CATSPERB: variants seen among roughly 807,000 people sequenced by gnomAD.
CATSPERB encodes catsper channel auxiliary subunit beta, also known as cation channel sperm-associated auxiliary subunit beta.
A neutral mutation model predicts 128.3 loss-of-function variants in CATSPERB; 93 were observed. The observed-to-expected ratio is 0.72, with a 90% CI of 0.61 to 0.86. CATSPERB has a LOEUF of 0.86. CATSPERB is among the 40% of genes least tolerant of loss of function. CATSPERB has a pLI of 0.00. For synonymous variants in CATSPERB, 381 were observed against 448.8 expected, an observed-to-expected ratio of 0.85 and a Z score of 1.91; for missense variants, 1,153 against 1,329.5, an observed-to-expected ratio of 0.87 and a Z score of 2.06.
At chr14:91,631,256 A>G (rs1894272336) in intron 17 of CATSPERB, among the ~76,000 whole-genome samples, 1 of 152,254 alleles carries the variant, frequency 6.6e-6, no homozygotes, top group Admixed American at 6.5e-5. Context: ...ATAGGCACTC[A>G]AATATTCATT....
At chr14:91,724,981 T>C (rs907355089) in intron 3 of CATSPERB, 99 bp downstream of exon 3, 5 of 475,632 alleles carry the variant, frequency 1.1e-5, no homozygotes, top group African/African-American at 4.0e-5. Flanking sequence ...AGACTGAACA[T>C]AGTAGAGGGT....
chr14:91,682,400 C>A (rs1895297703), intron 11 of CATSPERB, among the ~76,000 whole-genome samples: 1 of 152,214 alleles, frequency 6.6e-6, no homozygotes, highest in African/African-American at 2.4e-5. Context: ...CTGAACACCA[C>A]AACCGCAGCA....
At chr14:91,589,729 C>A (rs1446660211) in intron 23 of CATSPERB, 60 bp from the exon 24 acceptor site, 1 of 1,544,152 alleles carries the variant, frequency 6.5e-7, no homozygotes, top group Non-Finnish European at 8.8e-7. Flanking sequence ...CACTTCATTT[C>A]CTGGTAAAAA....
chr14:91,678,078 C>A (rs944517148), intron 11 of CATSPERB, among the ~76,000 whole-genome samples: 14 of 152,114 alleles, frequency 9.2e-5, no homozygotes, highest in South Asian at 4.2e-4. Flanking sequence ...GGCCAGTTGG[C>A]AGGTGGGGGG....
intron 23 of CATSPERB, among the ~76,000 whole-genome samples, chr14:91,590,268 G>A (rs1448565910): frequency 6.6e-6 from 1 of 152,110 alleles, no homozygotes; most frequent in Non-Finnish European, 1.5e-5. Context: ...AATGGCTCAC[G>A]CTTATAAATC....
chr14:91,585,335 T>C (rs1444714977), intron 26 of CATSPERB, among the ~76,000 whole-genome samples: 1 of 152,182 alleles, frequency 6.6e-6, no homozygotes, highest in Non-Finnish European at 1.5e-5. Flanking sequence ...TGGACACTGA[T>C]AACATAAATG....
chr14:91,645,251 G>A (rs1894573538), intron 15 of CATSPERB, among the ~76,000 whole-genome samples: 2 of 35,826 alleles, frequency 5.6e-5, no homozygotes, highest in African/African-American at 1.6e-4. Flanking sequence ...TTGCTGGTGA[G>A]GAACTGCGTT....
At chr14:91,624,040 TTATTA>T (rs1322269903) in intron 18 of CATSPERB, among the ~76,000 whole-genome samples, 3 of 152,158 alleles carry the variant, frequency 2.0e-5, no homozygotes, top group Non-Finnish European at 4.4e-5. Context: ...TAGCTATATT[TTATTA>T]TATTAGAAAA....
intron 4 of CATSPERB, among the ~76,000 whole-genome samples, chr14:91,722,008 C>T (rs1165194564): frequency 6.6e-6 from 1 of 151,900 alleles, no homozygotes; most frequent in African/African-American, 2.4e-5. Flanking sequence ...TCAAATCCTG[C>T]CTGGGCAACA....
At chr14:91,596,320 C>T (rs1463137304) in intron 22 of CATSPERB, among the ~76,000 whole-genome samples, 1 of 152,142 alleles carries the variant, frequency 6.6e-6, no homozygotes, top group African/African-American at 2.4e-5. Flanking sequence ...TCTCCTTCCT[C>T]AGCCTCCTGA....
At chr14:91,636,910 G>A (rs1174037282) in intron 16 of CATSPERB, among the ~76,000 whole-genome samples, 2 of 152,136 alleles carry the variant, frequency 1.3e-5, no homozygotes, top group Non-Finnish European at 2.9e-5. Flanking sequence ...TTTAGAACTG[G>A]GTTCTTATTT....
intron 15 of CATSPERB, among the ~76,000 whole-genome samples, chr14:91,654,611 T>C (rs1173993076): frequency 6.6e-6 from 1 of 152,102 alleles, no homozygotes; most frequent in East Asian, 1.9e-4. Flanking sequence ...CCACATAGAC[T>C]CTAAGGGTCT....
chr14:91,685,429 C>G (rs1895357215), intron 10 of CATSPERB, among the ~76,000 whole-genome samples: 1 of 152,154 alleles, frequency 6.6e-6, no homozygotes, highest in South Asian at 2.1e-4. Context: ...AAATTTGAAT[C>G]CAGTCTGTCT....
intron 13 of CATSPERB, among the ~76,000 whole-genome samples, chr14:91,671,319 A>G (rs138967409): frequency 4.3e-4 from 66 of 152,252 alleles, no homozygotes; most frequent in South Asian, 2.5e-3. Context: ...CATGCCTGCA[A>G]TTCCAGCACT....
chr14:91,715,477 G>A (rs757215301), intron 5 of CATSPERB, among the ~76,000 whole-genome samples: 49 of 151,014 alleles, frequency 3.2e-4, no homozygotes, highest in Non-Finnish European at 6.8e-4. Flanking sequence ...ACTTGAACTC[G>A]GGAGGCGGAG....
chr14:91,663,704 G>A (rs2750475), intron 14 of CATSPERB, among the ~76,000 whole-genome samples: 72,389 of 150,184 alleles, frequency 0.48, 17,836 homozygotes, highest in African/African-American at 0.54. Context: ...AAGAGATGGC[G>A]GATATTTTCT....
chr14:91,612,337 G>A (rs927422500), intron 20 of CATSPERB, among the ~76,000 whole-genome samples: 2 of 152,096 alleles, frequency 1.3e-5, no homozygotes, highest in African/African-American at 4.8e-5. Flanking sequence ...TTTTTATAGA[G>A]ACGGGGTCTC....
At chr14:91,599,731 G>A (rs1056687606) in intron 22 of CATSPERB, among the ~76,000 whole-genome samples, 2 of 152,018 alleles carry the variant, frequency 1.3e-5, no homozygotes, top group South Asian at 4.2e-4. Context: ...AGTCTGGAAG[G>A]GGAGGACAAC....
intron 15 of CATSPERB, among the ~76,000 whole-genome samples, chr14:91,657,396 A>T (rs1001055094): frequency 3.6e-5 from 1 of 27,874 alleles, no homozygotes; most frequent in Admixed American, 6.5e-4. Flanking sequence ...TAAAAACTAT[A>T]AAAAAAAACT....
Sources: allele counts gnomAD v4.1 joint callset (sites outside exome capture counted in the v4.1 genomes callset), GRCh38; gene constraint gnomAD v4.1.1; transcripts MANE v1.5; gene names NCBI Gene and HGNC (gene_info 2026-07-23, HGNC 2026-07-21).